XKR9: variants seen among roughly 807,000 people sequenced by gnomAD.
The protein encoded by XKR9 is XK related 9.
A neutral mutation model predicts 32.0 loss-of-function variants in XKR9; 32 were observed. The observed-to-expected ratio is 1.00, with a 90% CI of 0.76 to 1.34. The LOEUF (loss-of-function observed/expected upper bound fraction) is 1.34. Ranked by LOEUF, XKR9 falls within the 40% of genes most tolerant of loss-of-function variation. The pLI, the probability that XKR9 is intolerant of heterozygous loss-of-function variation, is 0.00. For synonymous variants in XKR9, 168 were observed against 143.4 expected (o/e 1.17, Z -1.22); for missense variants, 546 against 429.7 (o/e 1.27, Z -2.39).
At chr8:71,028,553 T>G in the XKR9 span, among the ~76,000 whole-genome samples, 1 of 152,170 alleles carries the variant, frequency 6.6e-6, no homozygotes, top group Non-Finnish European at 1.5e-5. Context: ...GCGGAACAGC[T>G]TTTGAGATCT....
At chr8:70,832,094 A>G in the XKR9 span, among the ~76,000 whole-genome samples, 1 of 152,220 alleles carries the variant, frequency 6.6e-6, no homozygotes. Flanking sequence ...ATAGCCATCT[A>G]TTCACTGATC....
At chr8:70,953,850 C>T in the XKR9 span, among the ~76,000 whole-genome samples, 34 of 152,152 alleles carry the variant, frequency 2.2e-4, no homozygotes, top group East Asian at 6.0e-3. Flanking sequence ...GGCAGATTCC[C>T]ATGGTTACAG....
the XKR9 span, among the ~76,000 whole-genome samples, chr8:70,895,222 G>T: frequency 6.6e-6 from 1 of 152,090 alleles, no homozygotes; most frequent in Non-Finnish European, 1.5e-5. Flanking sequence ...GGGGGATGGG[G>T]TGGTGAAGGA....
the XKR9 span, among the ~76,000 whole-genome samples, chr8:70,895,899 G>C: frequency 6.6e-6 from 1 of 151,996 alleles, no homozygotes; most frequent in Non-Finnish European, 1.5e-5. Flanking sequence ...CACTGGGGGC[G>C]GGCGGTGTTG....
At chr8:70,993,143 A>C in the XKR9 span, among the ~76,000 whole-genome samples, 1 of 151,794 alleles carries the variant, frequency 6.6e-6, no homozygotes, top group East Asian at 1.9e-4. Context: ...GCTGAGAGTA[A>C]ATCCTGGTGT....
chr8:71,064,100 A>G, the XKR9 span, among the ~76,000 whole-genome samples: 1 of 152,162 alleles, frequency 6.6e-6, no homozygotes, highest in Admixed American at 6.5e-5. Flanking sequence ...ATACATTTTT[A>G]GACATATCTT....
At chr8:71,056,768 T>G in the XKR9 span, among the ~76,000 whole-genome samples, 1 of 152,164 alleles carries the variant, frequency 6.6e-6, no homozygotes, top group Non-Finnish European at 1.5e-5. Context: ...ATGAACAAAT[T>G]TATTCACTCA....
chr8:70,777,177 A>G (rs1807537406), intron 2 of XKR9, among the ~76,000 whole-genome samples: 1 of 150,746 alleles, frequency 6.6e-6, no homozygotes, highest in African/African-American at 2.4e-5. Flanking sequence ...TCATTGTTCA[A>G]CTCCCATTTA....
intron 3 of XKR9, among the ~76,000 whole-genome samples, chr8:70,687,395 TTCTC>T (rs60787187): frequency 1.4e-5 from 2 of 147,828 alleles, no homozygotes; most frequent in African/African-American, 5.0e-5. Flanking sequence ...CTCTTTCTCT[TTCTC>T]TCTCTCTCTC....
intron 2 of XKR9, among the ~76,000 whole-genome samples, chr8:70,757,805 TCG>T (rs1807250113): frequency 6.6e-6 from 1 of 152,196 alleles, no homozygotes; most frequent in Non-Finnish European, 1.5e-5. Flanking sequence ...CAGGCTGGTC[TCG>T]AACTCCTTAC....
At chr8:70,831,357 A>G in the XKR9 span, among the ~76,000 whole-genome samples, 46 of 151,984 alleles carry the variant, frequency 3.0e-4, no homozygotes, top group Admixed American at 2.2e-3. Context: ...GTTGTTCCAG[A>G]CATTCTGCTA....
chr8:71,054,252 T>TA, the XKR9 span, among the ~76,000 whole-genome samples: 1,117 of 149,544 alleles, frequency 7.5e-3, 16 homozygotes, highest in African/African-American at 0.024. Flanking sequence ...AGTCTGAAGG[T>TA]AAAAAAAAAA....
At chr8:70,703,216 GTTA>G (rs1323003072) in intron 3 of XKR9, among the ~76,000 whole-genome samples, 5 of 150,692 alleles carry the variant, frequency 3.3e-5, no homozygotes, top group Non-Finnish European at 7.4e-5. Flanking sequence ...AATTTTACCT[GTTA>G]TTGTTGTTTT....
At chr8:70,706,868 G>A (rs1805733574) in intron 3 of XKR9, 65 bp from the exon 4 acceptor site, 2 of 1,234,942 alleles carry the variant, frequency 1.6e-6, no homozygotes, top group Admixed American at 2.3e-5. Flanking sequence ...AAATTATTAT[G>A]TGTATTAACA....
chr8:70,928,618 C>T, the XKR9 span, among the ~76,000 whole-genome samples: 2 of 151,968 alleles, frequency 1.3e-5, no homozygotes, highest in African/African-American at 2.4e-5. Flanking sequence ...CACCTTAAAG[C>T]CTGGGTGCTC....
the XKR9 span, among the ~76,000 whole-genome samples, chr8:70,882,384 C>A: frequency 2.0e-5 from 3 of 150,638 alleles, no homozygotes; most frequent in African/African-American, 7.3e-5. Context: ...TTCCTCTTTT[C>A]CCCTCTCCTG....
chr8:70,877,993 G>T, the XKR9 span, among the ~76,000 whole-genome samples: 1 of 152,168 alleles, frequency 6.6e-6, no homozygotes. Flanking sequence ...AGAAGAGAGT[G>T]GGGGCCAATA....
the XKR9 span, among the ~76,000 whole-genome samples, chr8:70,986,181 A>C: frequency 6.6e-6 from 1 of 152,234 alleles, no homozygotes; most frequent in Non-Finnish European, 1.5e-5. Flanking sequence ...AGTTAAAATG[A>C]AATACAGATT....
At chr8:70,795,205 C>G (rs905573465), downstream of XKR9, among the ~76,000 whole-genome samples, 7 of 151,986 alleles carry the variant, frequency 4.6e-5, no homozygotes, top group Non-Finnish European at 8.8e-5. Flanking sequence ...TATTTAGCTC[C>G]CACTTGTAAG....
Sources: allele counts gnomAD v4.1 joint callset (sites outside exome capture counted in the v4.1 genomes callset), GRCh38; gene constraint gnomAD v4.1.1; transcripts MANE v1.5; gene names NCBI Gene and HGNC (gene_info 2026-07-23, HGNC 2026-07-21).